Variants in TOP1 observed in about 807,000 individuals in gnomAD.
TOP1 encodes DNA topoisomerase 1.
A neutral mutation model predicts 111.1 loss-of-function variants in TOP1; 10 were observed. That is an observed-to-expected ratio of 0.09 (90% CI 0.06 to 0.15). The LOEUF (loss-of-function observed/expected upper bound fraction) is 0.15, where lower values mean the gene tolerates loss of function less well. TOP1 is among the 10% of genes least tolerant of loss of function. The probability of loss-of-function intolerance (pLI) is 1.00; values close to 1 mark genes in which losing one functional copy is unlikely to be tolerated. For synonymous variants in TOP1, 271 were observed against 302.9 expected (o/e 0.89, Z 1.10); for missense variants, 474 against 926.7 (o/e 0.51, Z 6.34).
intron 13 of TOP1, among the ~76,000 whole-genome samples, chr20:41,105,528 C>T (rs922145959): frequency 3.9e-5 from 6 of 152,276 alleles, no homozygotes; most frequent in South Asian, 2.1e-4. Flanking sequence ...ACCATGTCTT[C>T]GCTCTGTCAC....
intron 7 of TOP1, 130 bp from the exon 8 acceptor site, chr20:41,084,331 AG>A (rs2033822502): frequency 2.2e-6 from 1 of 460,268 alleles, no homozygotes; most frequent in Admixed American, 3.6e-5. Flanking sequence ...GTCAAATGAG[AG>A]GAGTACTAAG....
Position 41,097,190 on chromosome 20 carries a change from C to G in TOP1, c.731-30C>G. On this transcript the variant is annotated intron_variant, in intron 9 of 20. Transcript: ENST00000361337. The surrounding 1 kb of genome is among the most constrained non-coding windows in gnomAD (Gnocchi z 4.2). ...TATGCTTAGAACATGAATACTATAC[C>G]TCACTTTTTGGAACCACTTTTTTCT... The G allele has an allele frequency of 8.7e-6, 14 of 1,608,500 alleles. No individual in the cohort carries two copies. The highest frequency in any genetic ancestry group is 1.2e-5 in the Non-Finnish European group (14 of 1,178,492).
In TOP1 at chr20:41,080,837, T is replaced by C. The variant is rs1475495390; in HGVS notation, c.432-328T>C. On this transcript the variant is annotated intron_variant, in intron 6 of 20. Coordinates refer to ENST00000361337, the MANE Select transcript of TOP1 (RefSeq NM_003286.4). This position sits in a 1 kb window ranked among gnomAD's most constrained non-coding sequence, Gnocchi z 5.0. ...TGTGTGTTTGGTTCCCAAACTTTCATCTTTTATTTTTATTTATTTTATTTT... is the reference window on the plus strand; with the variant it reads ...TGTGTGTTTGGTTCCCAAACTTTCACCTTTTATTTTTATTTATTTTATTTT... Among the ~76,000 whole-genome samples, 1 of 152,160 alleles carries C rather than the reference T, an allele frequency of 6.6e-6. No homozygotes were observed. Among genetic ancestry groups the C allele is most frequent in the East Asian group, 1.9e-4 (1 of 5,200 alleles).
At chr20:41,075,450 C>T (rs1443301394) in intron 3 of TOP1, among the ~76,000 whole-genome samples, 1 of 152,204 alleles carries the variant, frequency 6.6e-6, no homozygotes, top group Non-Finnish European at 1.5e-5. Flanking sequence ...GGATTACAGG[C>T]GTGAGCCACC....
At chr20:41,073,002 C>A (rs758018723) in intron 3 of TOP1, 6 of 985,274 alleles carry the variant, frequency 6.1e-6, no homozygotes, top group African/African-American at 1.7e-5. Context: ...ACTACTCTAG[C>A]AGGAACTTTG....
rs1398454840 is a variant in TOP1, at chr20:41,058,937, G to A, written c.59-2457G>A. On this transcript the variant is annotated intron_variant, in intron 2 of 20. Transcript: ENST00000361337. This position sits in a 1 kb window ranked among gnomAD's most constrained non-coding sequence, Gnocchi z 4.2. ...CCTCAATTTTCATTAATGGTAGACT[G>A]GATTAAAAAAAAGAATGTGGCGCAT... is the stretch of plus-strand genomic sequence containing the variant. Among the ~76,000 whole-genome samples the A allele has an allele frequency of 6.6e-6, 1 of 151,990 alleles. No individual in the cohort carries two copies. Among genetic ancestry groups the A allele is most frequent in the East Asian group, 1.9e-4 (1 of 5,180 alleles).
At chr20:41,070,115 G>A (rs1432816351) in intron 3 of TOP1, among the ~76,000 whole-genome samples, 4 of 152,316 alleles carry the variant, frequency 2.6e-5, no homozygotes, top group East Asian at 3.9e-4. Flanking sequence ...TGAGCAAGAA[G>A]CCACTGGAAA....
At chr20:41,113,652 T>C (rs958418483) in intron 14 of TOP1, among the ~76,000 whole-genome samples, 10 of 146,662 alleles carry the variant, frequency 6.8e-5, no homozygotes, top group African/African-American at 2.5e-4. Context: ...CCAAGGCAGG[T>C]GGAACACGAG....
intron 2 of TOP1, among the ~76,000 whole-genome samples, chr20:41,049,659 G>A (rs1229912571): frequency 2.0e-5 from 3 of 152,146 alleles, no homozygotes; most frequent in Admixed American, 1.3e-4. Flanking sequence ...CGGTCAGGTG[G>A]GTATTATGCT....
chr20:41,091,551 C>CTTTTTTTTTTTT (rs1568693637), intron 8 of TOP1, among the ~76,000 whole-genome samples: 1 of 118,572 alleles, frequency 8.4e-6, no homozygotes, highest in African/African-American at 3.4e-5. Context: ...AAATTATTAA[C>CTTTTTTTTTTTT]CTTTTTTTTT....
intron 2 of TOP1, among the ~76,000 whole-genome samples, chr20:41,038,873 A>C (rs2033223269): frequency 6.6e-6 from 1 of 152,128 alleles, no homozygotes; most frequent in Non-Finnish European, 1.5e-5. Flanking sequence ...CTGTAGTCCC[A>C]GCTACTTAGA....
chr20:41,066,679 C>A (rs1230940381), intron 3 of TOP1, among the ~76,000 whole-genome samples: 1 of 151,428 alleles, frequency 6.6e-6, no homozygotes, highest in Non-Finnish European at 1.5e-5. Context: ...CTCAGCCTCC[C>A]GAGTAGCTGG....
rs1403165114 is a variant in TOP1 at position 41,069,638 on chromosome 20, A to G, written c.156-6533A>G. ...AACATACTAAATAATTGAGATAATG[A>G]TGGTGATGATGATAATTACCGCAAA... On this transcript the variant is annotated intron_variant, in intron 3 of 20. Transcript: ENST00000361337. This position sits in a 1 kb window ranked among gnomAD's most constrained non-coding sequence, Gnocchi z 4.1. Among the ~76,000 whole-genome samples, 1 of 152,240 alleles carries G rather than the reference A, an allele frequency of 6.6e-6. No individual in the cohort carries two copies. Among genetic ancestry groups the G allele is most frequent in the East Asian group, 1.9e-4 (1 of 5,202 alleles).
Position 41,121,707 on chromosome 20 carries a change from G to A in TOP1, c.1962G>A (p.Lys654=), listed in dbSNP as rs2034425772. ...MMNLQTKIDA[K]KEQLADARRD... ...ATTATTTCCCCTAGATTGATGCCAA[G>A]AAGGAACAGCTAGCAGATGCCCGGA... The change falls in exon 19 of 21, where the codon AAG becomes AAA. Residue 654 remains lysine (K), a synonymous_variant. Coordinates refer to ENST00000361337, the MANE Select transcript of TOP1 (RefSeq NM_003286.4). This position sits in a 1 kb window ranked among gnomAD's most constrained non-coding sequence, Gnocchi z 4.2. 8.1e-6 allele frequency: 13 copies of A among 1,614,006 alleles called. No homozygotes were observed. The highest frequency in any genetic ancestry group is 1.1e-5 in the Non-Finnish European group (13 of 1,179,904).
In TOP1 at chr20:41,102,017, ACTT is replaced by A. The variant is rs1161083042; in HGVS notation, c.1308+669_1308+671del. 6.6e-6 allele frequency among the ~76,000 whole-genome samples: 1 copy of A among 152,224 alleles called. No homozygotes were observed. Among genetic ancestry groups the A allele is most frequent in the African/African-American group, 2.4e-5 (1 of 41,452 alleles). ...TATCTAGCTTTGGAGAGTCCCACGA[ACTT>A]CTTCCCTCCAACATACTATGAAATA... is the stretch of plus-strand genomic sequence containing the variant. On this transcript the variant is annotated intron_variant, in intron 13 of 20. Transcript: ENST00000361337. The surrounding 1 kb of genome is among the most constrained non-coding windows in gnomAD (Gnocchi z 4.0).
intron 2 of TOP1, among the ~76,000 whole-genome samples, chr20:41,057,214 C>T (rs868461569): frequency 2.7e-5 from 4 of 150,672 alleles, no homozygotes; most frequent in African/African-American, 4.9e-5. Context: ...TGCAGTGAGC[C>T]GAGATCACAC....
rs1272337917 is a variant in TOP1 at position 41,032,169 on chromosome 20, T to C, written c.58+2714T>C. 6.6e-6 allele frequency among the ~76,000 whole-genome samples: 1 copy of C among 152,192 alleles called. No homozygotes were observed. The highest frequency in any genetic ancestry group is 1.5e-5 in the Non-Finnish European group (1 of 68,026). On this transcript the variant is annotated intron_variant, in intron 2 of 20. Transcript: ENST00000361337. The surrounding 1 kb of genome is among the most constrained non-coding windows in gnomAD (Gnocchi z 4.3). ...CCTAACCCATCTTACAGATTAACTG[T>C]ACAAGTTCATATATTAAAATCAAAC...
At chr20:41,065,512 A>C (rs2033596288) in intron 3 of TOP1, among the ~76,000 whole-genome samples, 1 of 152,168 alleles carries the variant, frequency 6.6e-6, no homozygotes, top group Non-Finnish European at 1.5e-5. Flanking sequence ...TCATCATCCC[A>C]GTCTTTGAAT....
At chr20:41,113,922 A>T (rs1401389604) in intron 14 of TOP1, 48 bp from the exon 15 acceptor site, 4 of 1,294,366 alleles carry the variant, frequency 3.1e-6, no homozygotes, top group East Asian at 2.3e-5. Context: ...TTGTGTAAGG[A>T]TCATGTCTCT....
Sources: gnomAD v4.1 joint callset for allele counts (sites outside exome capture counted in the v4.1 genomes callset) on GRCh38, gnomAD v4.1.1 for gene constraint, Gnocchi (gnomAD v3.1) non-coding constraint, MANE v1.5 for transcripts, NCBI Gene and HGNC (gene_info 2026-07-23, HGNC 2026-07-21) for gene names.